PARP1: variants seen among roughly 807,000 people sequenced by gnomAD.
The protein encoded by PARP1 is poly [ADP-ribose] polymerase 1.
A neutral mutation model predicts 118.7 loss-of-function variants in PARP1; 44 were observed. That is an observed-to-expected ratio of 0.37 (90% CI 0.29 to 0.48). PARP1 has a LOEUF of 0.48. PARP1 is among the 20% of genes least tolerant of loss of function. The pLI, the probability that PARP1 is intolerant of heterozygous loss-of-function variation, is 0.99. For synonymous variants in PARP1, 492 were observed against 483.2 expected (o/e 1.02, Z -0.24); for missense variants, 1,100 against 1,272.4 (o/e 0.86, Z 2.06).
At chr1:226,375,504 A>G (rs1282390114) in intron 13 of PARP1, among the ~76,000 whole-genome samples, 1 of 152,200 alleles carries the variant, frequency 6.6e-6, no homozygotes, top group Non-Finnish European at 1.5e-5. Flanking sequence ...GCCTTAAATA[A>G]TGCTCTGGAC....
At chr1:226,381,817 T>G (rs930508023) in intron 8 of PARP1, among the ~76,000 whole-genome samples, 1 of 152,162 alleles carries the variant, frequency 6.6e-6, no homozygotes, top group Non-Finnish European at 1.5e-5. Flanking sequence ...GTGACACCCG[T>G]CCAGAACTGG....
intron 2 of PARP1, 54 bp from the exon 3 acceptor site, chr1:226,392,368 CAG>C (rs1431847641): frequency 1.6e-6 from 2 of 1,268,592 alleles, no homozygotes; most frequent in African/African-American, 1.5e-5. Context: ...AAATGCAGCT[CAG>C]AGGAGCCCCG....
intron 3 of PARP1, 55 bp from the exon 4 acceptor site, chr1:226,390,679 A>G: frequency 1.3e-6 from 2 of 1,511,974 alleles, no homozygotes; most frequent in Non-Finnish European, 1.8e-6. Flanking sequence ...GATAGTGAAC[A>G]TGATACGGGC....
chr1:226,406,552 G>A (rs184338343), intron 1 of PARP1, among the ~76,000 whole-genome samples: 15 of 152,306 alleles, frequency 9.8e-5, no homozygotes, highest in Admixed American at 5.9e-4. Flanking sequence ...GGCACACAAT[G>A]CCTAGAGCAC....
At chr1:226,381,254 T>C in intron 8 of PARP1, 46 bp from the exon 9 acceptor site, 1 of 1,613,208 alleles carries the variant, frequency 6.2e-7, no homozygotes, top group Non-Finnish European at 8.5e-7. Flanking sequence ...GCTCTGGTGC[T>C]GCTCCCCAGT....
chr1:226,370,381 C>T, intron 15 of PARP1, 53 bp downstream of exon 15: 5 of 1,341,054 alleles, frequency 3.7e-6, no homozygotes, highest in South Asian at 1.2e-5. Flanking sequence ...GGTCTCACCC[C>T]CTAAGTCGGC....
chr1:226,381,767 A>AG (rs1183027788), intron 8 of PARP1, among the ~76,000 whole-genome samples: 1 of 152,248 alleles, frequency 6.6e-6, no homozygotes, highest in Non-Finnish European at 1.5e-5. Context: ...AGGCCTGGAC[A>AG]GGGGTGTGCC....
chr1:226,367,360 G>T, intron 17 of PARP1, 120 bp downstream of exon 17: 1 of 1,216,240 alleles, frequency 8.2e-7, no homozygotes, highest in Non-Finnish European at 1.2e-6. Context: ...GTGAATTATT[G>T]GGCGCCAGCC....
At chr1:226,365,803 A>C (rs1664252789) in intron 18 of PARP1, 151 bp downstream of exon 18, 1 of 642,578 alleles carries the variant, frequency 1.6e-6, no homozygotes, top group Admixed American at 2.8e-5. Context: ...CAAAAAAAAA[A>C]CTACTAATTT....
In PARP1 at chr1:226,408,022, G is replaced by A. The variant is rs1665187590; in HGVS notation, c.-93C>T. 6.3e-7 allele frequency: 1 copy of A among 1,575,646 alleles called. No homozygotes were observed. Among genetic ancestry groups the A allele is most frequent in the Non-Finnish European group, 8.6e-7 (1 of 1,158,554 alleles). ...CCGCCTCGCGTGCGCTCACCCAGCCGCAGGCGCCTGAGCGGCCAGAGCCGC... is the reference window on the plus strand; with the variant it reads ...CCGCCTCGCGTGCGCTCACCCAGCCACAGGCGCCTGAGCGGCCAGAGCCGC... On this transcript the variant is annotated 5_prime_UTR_variant, in exon 1 of 23. Coordinates refer to ENST00000366794, the MANE Select transcript of PARP1 (RefSeq NM_001618.4).
At chr1:226,370,303 C>A in intron 15 of PARP1, 131 bp downstream of exon 15, 1 of 765,130 alleles carries the variant, frequency 1.3e-6, no homozygotes. Context: ...AAATCGAAAC[C>A]CTCGTGAAGT....
At chr1:226,377,361 G>A in intron 12 of PARP1, 58 bp from the exon 13 acceptor site, 1 of 1,341,974 alleles carries the variant, frequency 7.5e-7, no homozygotes, top group Non-Finnish European at 1.1e-6. Flanking sequence ...CCCATTTCAG[G>A]AGCTCCCCTT....
chr1:226,379,073 G>A, intron 12 of PARP1, 69 bp downstream of exon 12: 1 of 1,593,328 alleles, frequency 6.3e-7, no homozygotes, highest in Non-Finnish European at 8.6e-7. Flanking sequence ...CAAGGCTGAT[G>A]GCACAGCACT....
At chr1:226,374,152 G>A (rs1176014446) in intron 14 of PARP1, 74 bp downstream of exon 14, 5 of 1,545,572 alleles carry the variant, frequency 3.2e-6, no homozygotes, top group African/African-American at 2.7e-5. Context: ...AGAACAGGCA[G>A]ACAGCTCTTC....
chr1:226,362,367 G>A (rs2102725133), intron 21 of PARP1: 1 of 397,258 alleles, frequency 2.5e-6, no homozygotes, highest in African/African-American at 2.1e-5. Flanking sequence ...CTGTATTTTA[G>A]TAGAGACAGG....
At chr1:226,380,444 T>C (rs538431727) in intron 9 of PARP1, among the ~76,000 whole-genome samples, 5 of 152,312 alleles carry the variant, frequency 3.3e-5, no homozygotes, top group South Asian at 4.1e-4. Context: ...GTATGGGAAA[T>C]CCTGTATTCT....
intron 2 of PARP1, among the ~76,000 whole-genome samples, chr1:226,393,224 TA>T: frequency 6.6e-6 from 1 of 152,358 alleles, no homozygotes; most frequent in East Asian, 1.9e-4. Flanking sequence ...AGGACACTGG[TA>T]TTTAAACAGC....
At chr1:226,403,222 T>A (rs1665072169) in intron 1 of PARP1, among the ~76,000 whole-genome samples, 1 of 152,210 alleles carries the variant, frequency 6.6e-6, no homozygotes, top group Non-Finnish European at 1.5e-5. Flanking sequence ...GACCGAGTCT[T>A]GCACTGAGTG....
At chr1:226,400,821 A>C (rs1263832135) in intron 2 of PARP1, among the ~76,000 whole-genome samples, 1 of 152,148 alleles carries the variant, frequency 6.6e-6, no homozygotes, top group Non-Finnish European at 1.5e-5. Context: ...GAAAGAACCA[A>C]TGGATAATGC....
Sources: allele counts gnomAD v4.1 joint callset (sites outside exome capture counted in the v4.1 genomes callset), GRCh38; gene constraint gnomAD v4.1.1; transcripts MANE v1.5; gene names NCBI Gene and HGNC (gene_info 2026-07-23, HGNC 2026-07-21).